The following RNF217 variants were observed in gnomAD, a reference collection of about 807,000 sequenced individuals.
RNF217 encodes the protein E3 ubiquitin-protein ligase RNF217.
In RNF217, 31 loss-of-function variants were observed where a neutral mutation model predicts 57.8. The ratio of observed to expected loss-of-function variants is 0.54; its 90% CI spans 0.40 to 0.72. The LOEUF is 0.72. Ranked by LOEUF, RNF217 falls within the 30% of genes least tolerant of loss-of-function variation. The probability of loss-of-function intolerance (pLI) is 0.00; values close to 1 mark genes in which losing one functional copy is unlikely to be tolerated. For synonymous variants in RNF217, 313 were observed against 294.0 expected (o/e 1.06, Z -0.66); for missense variants, 696 against 708.3 (o/e 0.98, Z 0.20).
At chr6:125,013,123 C>T (rs1762502559) in intron 1 of RNF217, among the ~76,000 whole-genome samples, 1 of 151,912 alleles carries the variant, frequency 6.6e-6, no homozygotes, top group Admixed American at 6.6e-5. Flanking sequence ...AATATATTCA[C>T]CTATTCATGT....
chr6:124,985,452 A>G lies in RNF217; in HGVS notation c.882+22026A>G, dbSNP rs911651820. 4.6e-5 allele frequency among the ~76,000 whole-genome samples: 7 copies of G among 152,324 alleles called. No individual in the cohort carries two copies. The South Asian group carries it at 6.2e-4, about 14-fold the overall frequency. On this transcript the variant is annotated intron_variant, in intron 1 of 5. Coordinates refer to ENST00000521654, the MANE Select transcript of RNF217 (RefSeq NM_001286398.3). The stretch of plus-strand genomic sequence containing the variant: ...TATTCTTTGTGTTACAAATAATCCA[A>G]TTATACTCTTAGTTATTTTGGAAGT...
intron 1 of RNF217, among the ~76,000 whole-genome samples, chr6:124,969,644 T>A (rs1783687208): frequency 6.6e-6 from 1 of 152,238 alleles, no homozygotes; most frequent in South Asian, 2.1e-4. Flanking sequence ...TACTTATGTA[T>A]TAAATACTTA....
chr6:125,014,636 A>G (rs753420504), intron 1 of RNF217, among the ~76,000 whole-genome samples: 17 of 152,148 alleles, frequency 1.1e-4, no homozygotes, highest in Non-Finnish European at 2.1e-4. Context: ...GCAGTTCAAA[A>G]TCACACACAC....
chr6:124,999,499 G>A (rs1467561872), intron 1 of RNF217, among the ~76,000 whole-genome samples: 1 of 150,646 alleles, frequency 6.6e-6, no homozygotes, highest in Non-Finnish European at 1.5e-5. Flanking sequence ...CAAACTCATT[G>A]TTATGTTTAG....
intron 1 of RNF217, among the ~76,000 whole-genome samples, chr6:125,005,764 G>C (rs752981089): frequency 1.1e-4 from 16 of 152,114 alleles, no homozygotes; most frequent in Non-Finnish European, 2.1e-4. Context: ...GTATGCAATA[G>C]AAAGCTTTCA....
intron 1 of RNF217, among the ~76,000 whole-genome samples, chr6:124,996,036 C>T (rs1259594650): frequency 6.6e-6 from 1 of 151,560 alleles, no homozygotes; most frequent in African/African-American, 2.4e-5. Context: ...TTTTTTAAAT[C>T]TGGGAAAGGT....
At chr6:125,016,841 T>G (rs67458734) in intron 1 of RNF217, among the ~76,000 whole-genome samples, 1 of 151,500 alleles carries the variant, frequency 6.6e-6, no homozygotes, top group East Asian at 2.0e-4. Context: ...AGATGATGGG[T>G]TGATGGGTGC....
At chr6:125,079,793 C>A in intron 4 of RNF217, among the ~76,000 whole-genome samples, 1 of 151,472 alleles carries the variant, frequency 6.6e-6, no homozygotes, top group South Asian at 2.1e-4. Context: ...GGAAAAGAAA[C>A]AAAAAATTAA....
rs543439484 is a variant in RNF217 at position 125,090,174 on chromosome 6, G to C, written c.*7237G>C. The stretch of plus-strand genomic sequence containing the variant: ...CACGTGAAACATAGAATAATAATTA[G>C]TTTGTATATATATAAAACCATTTAC... On this transcript the variant is annotated 3_prime_UTR_variant, in exon 6 of 6. Coordinates refer to ENST00000521654, the MANE Select transcript of RNF217 (RefSeq NM_001286398.3). The C allele has an allele frequency of 8.6e-5, 13 of 152,012 alleles. No homozygotes were observed. Among genetic ancestry groups the C allele is most frequent in the Non-Finnish European group, 1.8e-4 (12 of 67,942 alleles). 9.4% of individuals were successfully genotyped at this position (152,012 alleles called of 1,614,324 possible).
Position 124,974,129 on chromosome 6 carries a change from C to T in RNF217, c.882+10703C>T, listed in dbSNP as rs542572636. Among the ~76,000 whole-genome samples the T allele has an allele frequency of 4.6e-5, 7 of 152,212 alleles. No homozygotes were observed. In the South Asian group the frequency reaches 6.2e-4, roughly 14 times the overall value. On this transcript the variant is annotated intron_variant, in intron 1 of 5. Transcript: ENST00000521654. The stretch of plus-strand genomic sequence containing the variant: ...ATTTTCTGCCCTAAGTTTGGAAGGC[C>T]CTCAGCATAACTTTGGTGAGGCAGT...
At chr6:125,076,252 A>G (rs1018361243) in intron 3 of RNF217, among the ~76,000 whole-genome samples, 1 of 152,206 alleles carries the variant, frequency 6.6e-6, no homozygotes, top group African/African-American at 2.4e-5. Flanking sequence ...CTTTTAAGGA[A>G]TACTGTTTAT....
chr6:125,058,122 G>A lies in RNF217; in HGVS notation c.1281+16G>A, dbSNP rs1374155600. On this transcript the variant is annotated intron_variant, in intron 3 of 5. Transcript: ENST00000521654. ...AAAGTGCAAGGTGAGATAACTTTTA[G>A]GAGGAAAAGAAAAAACATGTACATC... 11 of 1,595,280 alleles carry A rather than the reference G, an allele frequency of 6.9e-6. No individual in the cohort carries two copies. Among genetic ancestry groups the A allele is most frequent in the Middle Eastern group, 3.4e-4 (2 of 5,950 alleles).
At chr6:125,071,232 A>G (rs1184610944) in intron 3 of RNF217, among the ~76,000 whole-genome samples, 1 of 152,148 alleles carries the variant, frequency 6.6e-6, no homozygotes, top group Admixed American at 6.5e-5. Flanking sequence ...TGAAAGTAAC[A>G]TGCGTTTGGT....
At chr6:124,963,536 C>T in intron 1 of RNF217, 110 bp downstream of exon 1, 1 of 1,247,194 alleles carries the variant, frequency 8.0e-7, no homozygotes, top group Non-Finnish European at 1.1e-6. Flanking sequence ...GACACACTTA[C>T]TGAGGATCTC....
intron 1 of RNF217, among the ~76,000 whole-genome samples, chr6:125,028,353 C>T (rs1399579369): frequency 6.6e-6 from 1 of 152,030 alleles, no homozygotes; most frequent in Non-Finnish European, 1.5e-5. Context: ...TGCCTGTTTG[C>T]CATTTGTAGG....
At chr6:125,023,781 T>A (rs1370355180) in intron 1 of RNF217, among the ~76,000 whole-genome samples, 1 of 152,160 alleles carries the variant, frequency 6.6e-6, no homozygotes, top group Non-Finnish European at 1.5e-5. Context: ...GCAATATGGA[T>A]GAACCTGGAG....
chr6:125,038,520 T>C (rs1189530539), intron 1 of RNF217, among the ~76,000 whole-genome samples: 1 of 152,196 alleles, frequency 6.6e-6, no homozygotes, highest in African/African-American at 2.4e-5. Context: ...AGATTGGCTC[T>C]AAGTTGACAA....
intron 1 of RNF217, among the ~76,000 whole-genome samples, chr6:125,019,831 A>C (rs117542700): frequency 2.8e-5 from 4 of 140,360 alleles, no homozygotes; most frequent in South Asian, 2.5e-4. Context: ...CCTTTTTTGC[A>C]GTGGGGGGGG....
At chr6:125,079,187 G>A (rs1422423426) in intron 4 of RNF217, among the ~76,000 whole-genome samples, 4 of 152,120 alleles carry the variant, frequency 2.6e-5, no homozygotes, top group Non-Finnish European at 5.9e-5. Flanking sequence ...AGAGAGATTT[G>A]GGGATGATTA....
Sources: gnomAD v4.1 joint callset for allele counts (sites outside exome capture counted in the v4.1 genomes callset) on GRCh38, gnomAD v4.1.1 for gene constraint, MANE v1.5 for transcripts, NCBI Gene and HGNC (gene_info 2026-07-23, HGNC 2026-07-21) for gene names.